The following INVS variants were observed in gnomAD, a reference collection of about 807,000 sequenced individuals.
The protein encoded by INVS is inversin.
INVS carries 86 observed loss-of-function variants against 108.8 expected under a neutral mutation model. That is an observed-to-expected ratio of 0.79 (90% CI 0.66 to 0.95). The LOEUF (loss-of-function observed/expected upper bound fraction) is 0.95, where lower values mean the gene tolerates loss of function less well. INVS is among the 40% of genes least tolerant of loss of function. The pLI is 0.00. For synonymous variants in INVS, 455 were observed against 473.5 expected (o/e 0.96, Z 0.51); for missense variants, 1,169 against 1,297.4 (o/e 0.90, Z 1.52).
At chr9:100,250,041 G>A (rs1832177934) in intron 8 of INVS, among the ~76,000 whole-genome samples, 1 of 151,698 alleles carries the variant, frequency 6.6e-6, no homozygotes, top group African/African-American at 2.4e-5. Context: ...GGAGGTGGAG[G>A]TTGCAGTGAC....
intron 2 of INVS, among the ~76,000 whole-genome samples, chr9:100,115,899 T>A (rs530242800): frequency 6.6e-6 from 1 of 152,290 alleles, no homozygotes; most frequent in Admixed American, 6.5e-5. Context: ...TGAACTAGTT[T>A]ACAGTCCCAC....
intron 6 of INVS, among the ~76,000 whole-genome samples, chr9:100,241,240 T>A (rs1223930476): frequency 6.6e-6 from 1 of 152,172 alleles, no homozygotes; most frequent in Non-Finnish European, 1.5e-5. Flanking sequence ...TTTATTTTTC[T>A]TCTGGATTCT....
At chr9:100,255,438 T>G (rs1488417888) in intron 10 of INVS, among the ~76,000 whole-genome samples, 1 of 152,222 alleles carries the variant, frequency 6.6e-6, no homozygotes, top group South Asian at 2.1e-4. Flanking sequence ...TGGCCAGAAC[T>G]TCCAACACTG....
At chr9:100,251,284 A>G (rs1300371198) in intron 8 of INVS, among the ~76,000 whole-genome samples, 1 of 152,210 alleles carries the variant, frequency 6.6e-6, no homozygotes, top group African/African-American at 2.4e-5. Flanking sequence ...ATCTGCATCC[A>G]GGTTTGCTCT....
rs1326482039 is a variant in INVS, at chr9:100,300,904, C to T, written c.*230C>T. 5.3e-6 allele frequency: 3 copies of T among 565,040 alleles called. No homozygotes were observed. Among genetic ancestry groups the T allele is most frequent in the East Asian group, 6.1e-5 (2 of 32,524 alleles). 35.0% of individuals were successfully genotyped at this position (565,040 alleles called of 1,614,324 possible). A position where few individuals can be genotyped will look rare whatever the true frequency, so the allele number is the denominator to read the frequency against. ...CCTGCACTGAAAGGACCTGCATAGA[C>T]TATGTCTGTGCAAAGTGCCTGAGTG... On this transcript the variant is annotated 3_prime_UTR_variant, in exon 17 of 17. Transcript: ENST00000262457.
intron 2 of INVS, among the ~76,000 whole-genome samples, chr9:100,123,962 C>T (rs1827802038): frequency 6.6e-6 from 1 of 152,126 alleles, no homozygotes; most frequent in South Asian, 2.1e-4. Context: ...TGTGCCACCA[C>T]CACACCCGGC....
chr9:100,270,517 G>A (rs1028060313), intron 11 of INVS, among the ~76,000 whole-genome samples: 1 of 152,032 alleles, frequency 6.6e-6, no homozygotes, highest in African/African-American at 2.4e-5. Context: ...GGCCGAGGTG[G>A]TCGGATCACC....
chr9:100,117,648 C>T, intron 2 of INVS: 1 of 591,388 alleles, frequency 1.7e-6, no homozygotes, highest in East Asian at 2.9e-5. Flanking sequence ...GCGTTATCAG[C>T]CATTTGGTGT....
chr9:100,152,837 T>G (rs1296926319), intron 3 of INVS, among the ~76,000 whole-genome samples: 1 of 152,212 alleles, frequency 6.6e-6, no homozygotes, highest in African/African-American at 2.4e-5. Context: ...AGATATGGTT[T>G]GGGTCCTTTT....
At chr9:100,188,881 A>T (rs1315839444) in intron 3 of INVS, among the ~76,000 whole-genome samples, 1 of 151,598 alleles carries the variant, frequency 6.6e-6, no homozygotes, top group East Asian at 1.9e-4. Context: ...ATTGCTTGTT[A>T]TTGGTTTGTT....
Position 100,298,012 on chromosome 9 carries a change from T to G in INVS, c.3091+2T>G. Reference sequence around the variant, plus strand: ...CTTCTGTGCTGCGTCTCAACTCAGGTAAGGCAGCCACTGCAAAGCAGATGG... The same window carrying G: ...CTTCTGTGCTGCGTCTCAACTCAGGGAAGGCAGCCACTGCAAAGCAGATGG... On this transcript the variant is annotated splice_donor_variant, in intron 16 of 16. Coordinates refer to ENST00000262457, the MANE Select transcript of INVS (RefSeq NM_014425.5). LOFTEE classifies it high-confidence loss of function. 1.9e-6 allele frequency: 3 copies of G among 1,614,078 alleles called. No homozygotes were observed. The highest frequency in any genetic ancestry group is 2.5e-6 in the Non-Finnish European group (3 of 1,179,932).
chr9:100,100,947 CATATATATTATATAT>C (rs1826940283), intron 1 of INVS, among the ~76,000 whole-genome samples: 1 of 15,744 alleles, frequency 6.4e-5, no homozygotes, highest in Non-Finnish European at 1.0e-4. Context: ...AATATATATA[CATATATATTATATAT>C]ATAATATATA....
In INVS at chr9:100,189,106, CTTTTT is replaced by C. The variant is rs60762136; in HGVS notation, c.274-36939_274-36935del. Among the ~76,000 whole-genome samples, 69 of 69,546 alleles carry C rather than the reference CTTTTT, an allele frequency of 9.9e-4. 1 individual carries two copies. The highest frequency in any genetic ancestry group is 4.4e-3 in the African/African-American group (65 of 14,748). The allele number at this position is 69,546 out of a possible 152,430, so 45.6% of individuals were successfully genotyped here. ...TTCTAATGGAACTTATTTGCATCTT[CTTTTT>C]TTTTTTTTTTTTTTTTGGTTAATAT... On this transcript the variant is annotated intron_variant, in intron 3 of 16. Coordinates refer to ENST00000262457, the MANE Select transcript of INVS (RefSeq NM_014425.5).
At chr9:100,181,523 A>G (rs1023887589) in intron 3 of INVS, among the ~76,000 whole-genome samples, 43 of 152,208 alleles carry the variant, frequency 2.8e-4, no homozygotes, top group African/African-American at 1.0e-3. Context: ...CAATTGCTAC[A>G]AAGAGAATAA....
chr9:100,149,743 C>T (rs1015610405), intron 3 of INVS, among the ~76,000 whole-genome samples: 1 of 152,074 alleles, frequency 6.6e-6, no homozygotes, highest in African/African-American at 2.4e-5. Context: ...CATGTCAACA[C>T]ATCTTGATTG....
At chr9:100,100,675 C>CAT (rs1376984176) in intron 1 of INVS, among the ~76,000 whole-genome samples, 206 of 19,508 alleles carry the variant, frequency 0.011, 12 homozygotes, top group South Asian at 0.029. Context: ...TATATATGTA[C>CAT]ATATAATATA....
chr9:100,136,726 G>A (rs1053270770), intron 3 of INVS, among the ~76,000 whole-genome samples: 9 of 152,024 alleles, frequency 5.9e-5, no homozygotes, highest in African/African-American at 1.2e-4. Context: ...GATCAAAGTC[G>A]CTGGGGAGAT....
chr9:100,105,537 A>G (rs1827143888), intron 2 of INVS, among the ~76,000 whole-genome samples: 1 of 152,170 alleles, frequency 6.6e-6, no homozygotes, highest in Non-Finnish European at 1.5e-5. Flanking sequence ...TTTAAAGACA[A>G]AACTATTGTA....
At chr9:100,143,845 T>C (rs1828512614) in intron 3 of INVS, among the ~76,000 whole-genome samples, 1 of 152,032 alleles carries the variant, frequency 6.6e-6, no homozygotes, top group African/African-American at 2.4e-5. Flanking sequence ...AGTGGGTAGC[T>C]TCCATATCGA....
Sources: gnomAD v4.1 joint callset for allele counts (sites outside exome capture counted in the v4.1 genomes callset) on GRCh38, gnomAD v4.1.1 for gene constraint, MANE v1.5 for transcripts, NCBI Gene and HGNC (gene_info 2026-07-23, HGNC 2026-07-21) for gene names.